Variants in DAB1 observed in about 807,000 individuals in gnomAD.
DAB1 encodes DAB adaptor protein 1, also known as disabled homolog 1.
Under a neutral mutation model 64.6 loss-of-function variants are expected in DAB1, and 15 were observed. That is an observed-to-expected ratio of 0.23 (90% confidence interval 0.16 to 0.36). The LOEUF (loss-of-function observed/expected upper bound fraction) is 0.36, where lower values mean the gene tolerates loss of function less well. Among genes scored for constraint, DAB1 ranks in the 10% least tolerant of loss-of-function variants. The probability of loss-of-function intolerance (pLI) is 1.00; values close to 1 mark genes in which losing one functional copy is unlikely to be tolerated. For synonymous variants in DAB1, 235 were observed against 251.9 expected (o/e 0.93, Z 0.64); for missense variants, 596 against 706.7 (o/e 0.84, Z 1.78).
chr1:58,156,539 A>C (rs1655237708), intron 4 of DAB1, among the ~76,000 whole-genome samples: 1 of 152,206 alleles, frequency 6.6e-6, no homozygotes, highest in Non-Finnish European at 1.5e-5. Context: ...CAGAAGAGTT[A>C]ATGCACAATT....
intron 3 of DAB1, among the ~76,000 whole-genome samples, chr1:58,418,566 G>C (rs191922019): frequency 1.3e-5 from 2 of 152,050 alleles, no homozygotes; most frequent in African/African-American, 4.8e-5. Context: ...GTCATTAAAG[G>C]GTTCCCAGTC....
At chr1:58,309,184 C>T (rs964026980) in intron 4 of DAB1, among the ~76,000 whole-genome samples, 11 of 152,126 alleles carry the variant, frequency 7.2e-5, no homozygotes, top group African/African-American at 2.7e-4. Context: ...GTAAAGCATG[C>T]AGCAGATATA....
At chr1:57,463,702 C>T (rs574386742) in intron 7 of DAB1, among the ~76,000 whole-genome samples, 2 of 152,286 alleles carry the variant, frequency 1.3e-5, no homozygotes, top group South Asian at 4.1e-4. Context: ...CTATTGGATT[C>T]TATTGTATTC....
At chr1:58,167,948 G>C (rs1169602252) in intron 4 of DAB1, among the ~76,000 whole-genome samples, 1 of 152,162 alleles carries the variant, frequency 6.6e-6, no homozygotes, top group Non-Finnish European at 1.5e-5. Context: ...CTTCATTCTT[G>C]AAGTCAGCGA....
At chr1:57,812,335 A>G (rs372289259) in intron 6 of DAB1, among the ~76,000 whole-genome samples, 41 of 77,606 alleles carry the variant, frequency 5.3e-4, no homozygotes, top group South Asian at 1.3e-3. Context: ...AAAAAAAAAA[A>G]AAAGAAAGAA....
chr1:58,528,001 G>A (rs192059583), intron 1 of DAB1, among the ~76,000 whole-genome samples: 80 of 152,306 alleles, frequency 5.3e-4, no homozygotes, highest in African/African-American at 1.8e-3. Context: ...TGAATCAATA[G>A]GCAGGACTTT....
intron 4 of DAB1, among the ~76,000 whole-genome samples, chr1:58,239,864 T>G (rs1660211097): frequency 6.6e-6 from 1 of 152,036 alleles, no homozygotes; most frequent in Non-Finnish European, 1.5e-5. Context: ...TACAGAAAAA[T>G]CAGCCAAGAA....
At position 57,224,017 on chromosome 1, in the gene DAB1, T is replaced by C. The variant is rs544229406; in HGVS notation, c.67+66947A>G. On this transcript the variant is annotated intron_variant, in intron 2 of 14. Coordinates refer to ENST00000371236, the MANE Select transcript of DAB1 (RefSeq NM_001365792.1). ...GGTACTCCCCCTCCGATTCCTTTGT[T>C]GCCCTTCCAAAACACCCTGCCTTGC... 1.3e-4 allele frequency among the ~76,000 whole-genome samples: 20 copies of C among 152,334 alleles called. No individual in the cohort carries two copies. The South Asian group carries it at 3.5e-3, about 27-fold the overall frequency.
chr1:57,255,910 G>C (rs1199706904), intron 2 of DAB1, among the ~76,000 whole-genome samples: 1 of 152,114 alleles, frequency 6.6e-6, no homozygotes, highest in Non-Finnish European at 1.5e-5. Context: ...TGACTATTCA[G>C]CTCTTTAGGT....
At chr1:57,850,453 T>G (rs1374640527) in intron 1 of DAB1, among the ~76,000 whole-genome samples, 1 of 29,874 alleles carries the variant, frequency 3.3e-5, no homozygotes. Context: ...GATAATGTAG[T>G]TTTTTTTTTT....
chr1:58,478,896 T>C (rs1409681895), intron 3 of DAB1, among the ~76,000 whole-genome samples: 1 of 152,208 alleles, frequency 6.6e-6, no homozygotes, highest in African/African-American at 2.4e-5. Context: ...CAACTAAGTG[T>C]AGAACATACA....
chr1:57,056,899 G>A (rs556437969), intron 9 of DAB1, among the ~76,000 whole-genome samples: 17 of 151,942 alleles, frequency 1.1e-4, no homozygotes, highest in East Asian at 3.9e-4. Flanking sequence ...AAATACATTC[G>A]AAAAAGCAAT....
intron 3 of DAB1, among the ~76,000 whole-genome samples, chr1:58,496,532 A>G (rs1435846534): frequency 1.3e-5 from 2 of 152,140 alleles, no homozygotes; most frequent in African/African-American, 4.8e-5. Flanking sequence ...TTTAAAGCTT[A>G]TCTCACTGGG....
At chr1:58,508,398 G>A (rs1005424301) in intron 2 of DAB1, among the ~76,000 whole-genome samples, 3 of 152,148 alleles carry the variant, frequency 2.0e-5, no homozygotes, top group African/African-American at 4.8e-5. Flanking sequence ...CTGATTCAAC[G>A]ATAATATACG....
intron 3 of DAB1, among the ~76,000 whole-genome samples, chr1:58,385,475 C>G (rs903608066): frequency 2.0e-5 from 3 of 152,124 alleles, no homozygotes; most frequent in African/African-American, 7.2e-5. Context: ...TTTCCTTCTT[C>G]CAATCCCCCA....
At chr1:57,787,864 A>G (rs773508762) in intron 6 of DAB1, among the ~76,000 whole-genome samples, 3 of 152,168 alleles carry the variant, frequency 2.0e-5, no homozygotes, top group Non-Finnish European at 2.9e-5. Context: ...TTAAATATGT[A>G]CTTCATCAGA....
intron 2 of DAB1, among the ~76,000 whole-genome samples, chr1:57,168,361 T>C (rs947233434): frequency 1.3e-5 from 2 of 152,220 alleles, no homozygotes; most frequent in African/African-American, 2.4e-5. Context: ...TCCCTGCTCT[T>C]GTGGAGATCA....
chr1:57,731,436 T>C (rs1220395630), intron 6 of DAB1, among the ~76,000 whole-genome samples: 2 of 152,180 alleles, frequency 1.3e-5, no homozygotes, highest in Non-Finnish European at 2.9e-5. Flanking sequence ...TACAGAACTG[T>C]ATAATTAAAA....
At chr1:58,494,617 C>A (rs1645762623) in intron 3 of DAB1, among the ~76,000 whole-genome samples, 2 of 152,036 alleles carry the variant, frequency 1.3e-5, no homozygotes, top group Admixed American at 6.5e-5. Flanking sequence ...AGGATATGAA[C>A]AGACACTTCT....
Sources: allele counts gnomAD v4.1 joint callset (sites outside exome capture counted in the v4.1 genomes callset), GRCh38; gene constraint gnomAD v4.1.1; transcripts MANE v1.5; gene names NCBI Gene and HGNC (gene_info 2026-07-23, HGNC 2026-07-21).